Variants in CLNK observed in about 807,000 individuals in gnomAD.
CLNK encodes cytokine dependent hematopoietic cell linker, also known as cytokine-dependent hematopoietic cell linker.
Under a neutral mutation model 68.6 loss-of-function variants are expected in CLNK, and 74 were observed. The observed-to-expected ratio is 1.08, with a 90% CI of 0.89 to 1.31. CLNK has a LOEUF of 1.31. Among genes scored for constraint, CLNK ranks in the 50% most tolerant of loss-of-function variants. The probability of loss-of-function intolerance (pLI) is 0.00; values close to 1 mark genes in which losing one functional copy is unlikely to be tolerated. For missense variants in CLNK, 553 were observed against 515.3 expected, an observed-to-expected ratio of 1.07 and a Z score of -0.71; for synonymous variants, 198 against 172.2, an observed-to-expected ratio of 1.15 and a Z score of -1.17.
intron 3 of CLNK, among the ~76,000 whole-genome samples, chr4:10,594,025 C>T (rs1449309209): frequency 2.0e-5 from 3 of 152,168 alleles, no homozygotes; most frequent in Non-Finnish European, 4.4e-5. Flanking sequence ...CCCTCCTGTT[C>T]CCTAGGGCCT....
At chr4:10,537,350 C>A (rs1449544610) in intron 11 of CLNK, among the ~76,000 whole-genome samples, 1 of 152,102 alleles carries the variant, frequency 6.6e-6, no homozygotes, top group Non-Finnish European at 1.5e-5. Flanking sequence ...TGGTGCCACA[C>A]AGCTGTAATC....
At chr4:10,493,019 G>A (rs1439622345) in intron 18 of CLNK, among the ~76,000 whole-genome samples, 1 of 152,048 alleles carries the variant, frequency 6.6e-6, no homozygotes, top group African/African-American at 2.4e-5. Flanking sequence ...AGTGTGTTCA[G>A]CCTGTTAAAA....
chr4:10,587,459 C>A (rs1721012077), intron 3 of CLNK, among the ~76,000 whole-genome samples: 1 of 152,208 alleles, frequency 6.6e-6, no homozygotes. Flanking sequence ...TACACCTTTC[C>A]TCCAAGGCAC....
intron 7 of CLNK, among the ~76,000 whole-genome samples, chr4:10,560,255 C>T (rs527278500): frequency 1.3e-5 from 2 of 152,278 alleles, no homozygotes; most frequent in East Asian, 3.9e-4. Context: ...CACTGGCTCA[C>T]CTTTCAACCC....
chr4:10,498,632 T>C (rs916914244), intron 18 of CLNK, among the ~76,000 whole-genome samples: 4 of 152,202 alleles, frequency 2.6e-5, no homozygotes, highest in African/African-American at 9.6e-5. Context: ...AGGGCTACTA[T>C]ATCCTACTTA....
intron 1 of CLNK, among the ~76,000 whole-genome samples, chr4:10,679,302 T>G (rs1284906241): frequency 1.3e-5 from 2 of 152,240 alleles, no homozygotes; most frequent in Non-Finnish European, 2.9e-5. Context: ...CTGGGAAAAC[T>G]GGCTAGCCAT....
At chr4:10,634,761 T>G (rs571655866) in intron 2 of CLNK, among the ~76,000 whole-genome samples, 7 of 152,314 alleles carry the variant, frequency 4.6e-5, no homozygotes, top group African/African-American at 1.7e-4. Flanking sequence ...AATTTGGCTT[T>G]TCCCTTCAGG....
At chr4:10,682,051 A>G (rs1248696304) in intron 1 of CLNK, among the ~76,000 whole-genome samples, 1 of 152,148 alleles carries the variant, frequency 6.6e-6, no homozygotes, top group Admixed American at 6.6e-5. Flanking sequence ...TATTCTGCCC[A>G]TAAGAGTAAC....
intron 11 of CLNK, among the ~76,000 whole-genome samples, chr4:10,538,529 C>A (rs145966085): frequency 6.6e-6 from 1 of 152,328 alleles, no homozygotes; most frequent in African/African-American, 2.4e-5. Flanking sequence ...AGGAATGCTG[C>A]ATTTTACATT....
chr4:10,592,652 C>T (rs911562235), intron 3 of CLNK, among the ~76,000 whole-genome samples: 1 of 152,116 alleles, frequency 6.6e-6, no homozygotes, highest in Non-Finnish European at 1.5e-5. Flanking sequence ...CTTCCTTCTT[C>T]CTACTCCCCC....
In CLNK at chr4:10,490,336, T is replaced by G; in HGVS notation, c.*131A>C. 1.1e-6 allele frequency: 1 copy of G among 885,048 alleles called. No homozygotes were observed. The highest frequency in any genetic ancestry group is 1.7e-6 in the Non-Finnish European group (1 of 590,930). 54.8% of individuals were successfully genotyped at this position (885,048 alleles called of 1,614,324 possible). ...ACCGTGAGTGATTTTCCACTCTCTGTTATAGAGTGTTTTTCTTTTCTCCAA... is the reference window on the plus strand; with the variant it reads ...ACCGTGAGTGATTTTCCACTCTCTGGTATAGAGTGTTTTTCTTTTCTCCAA... On this transcript the variant is annotated 3_prime_UTR_variant, in exon 19 of 19. Coordinates refer to ENST00000226951, the MANE Select transcript of CLNK (RefSeq NM_052964.4).
the CLNK span, among the ~76,000 whole-genome samples, chr4:10,726,302 G>A: frequency 6.6e-6 from 1 of 152,158 alleles, no homozygotes; most frequent in Non-Finnish European, 1.5e-5. Flanking sequence ...TGTATTTTTA[G>A]TGGAGATAAG....
intron 2 of CLNK, among the ~76,000 whole-genome samples, chr4:10,625,322 G>A (rs1203086422): frequency 6.6e-6 from 1 of 152,204 alleles, no homozygotes; most frequent in East Asian, 1.9e-4. Context: ...CAGAGAGAGG[G>A]GGCAAACATG....
chr4:10,662,112 AG>A (rs1355827077), intron 2 of CLNK, among the ~76,000 whole-genome samples: 1 of 152,336 alleles, frequency 6.6e-6, no homozygotes, highest in East Asian at 1.9e-4. Context: ...CTATTATGGT[AG>A]AGTTACATAA....
At chr4:10,708,479 G>A in the CLNK span, among the ~76,000 whole-genome samples, 27,121 of 151,972 alleles carry the variant, frequency 0.18, 3,160 homozygotes, top group Non-Finnish European at 0.26. Flanking sequence ...AGCTGGAGTC[G>A]AGATGCACCT....
rs1716428590 is a variant in CLNK, at chr4:10,488,141, T to C, written c.*2326A>G. The C allele has an allele frequency of 1.3e-5, 2 of 152,254 alleles. No homozygotes were observed. Among genetic ancestry groups the C allele is most frequent in the Admixed American group, 1.3e-4 (2 of 15,294 alleles). 9.4% of individuals were successfully genotyped at this position (152,254 alleles called of 1,614,324 possible). The stretch of plus-strand genomic sequence containing the variant: ...CCTTTTCCCCTCATTCTTGCTGTCA[T>C]CTTAAGGATGCTGAATTTCTACTTC... On this transcript the variant is annotated 3_prime_UTR_variant, in exon 19 of 19. Coordinates refer to ENST00000226951, the MANE Select transcript of CLNK (RefSeq NM_052964.4).
chr4:10,705,294 G>C, the CLNK span, among the ~76,000 whole-genome samples: 1 of 152,214 alleles, frequency 6.6e-6, no homozygotes, highest in African/African-American at 2.4e-5. Flanking sequence ...CAATTGGTGT[G>C]ACCTGGGGAA....
At chr4:10,699,295 C>CACACACCACATACGTGTGTGTAT in the CLNK span, among the ~76,000 whole-genome samples, 1,185 of 80,076 alleles carry the variant, frequency 0.015, 18 homozygotes, top group Non-Finnish European at 0.025. Flanking sequence ...CGTGTATACA[C>CACACACCACATACGTGTGTGTAT]ACACACACCA....
intron 2 of CLNK, among the ~76,000 whole-genome samples, chr4:10,628,594 T>C (rs1417245247): frequency 6.6e-6 from 1 of 151,998 alleles, no homozygotes. Context: ...GGAGGCAGAG[T>C]TGGGCTCAAC....
Sources: allele counts gnomAD v4.1 joint callset (sites outside exome capture counted in the v4.1 genomes callset), GRCh38; gene constraint gnomAD v4.1.1; transcripts MANE v1.5; gene names NCBI Gene and HGNC (gene_info 2026-07-23, HGNC 2026-07-21).